CDC123: variants seen among roughly 807,000 people sequenced by gnomAD.
The protein encoded by CDC123 is translation initiation factor eIF2 assembly protein.
CDC123 carries 37 observed loss-of-function variants against 54.4 expected under a neutral mutation model. The observed-to-expected ratio is 0.68, with a 90% CI of 0.52 to 0.89. The LOEUF is 0.89. Ranked by LOEUF, CDC123 falls within the 40% of genes least tolerant of loss-of-function variation. The pLI, the probability that CDC123 is intolerant of heterozygous loss-of-function variation, is 0.00. For synonymous variants in CDC123, 144 were observed against 136.8 expected, an observed-to-expected ratio of 1.05 and a Z score of -0.37; for missense variants, 361 against 412.1, an observed-to-expected ratio of 0.88 and a Z score of 1.07.
chr10:12,219,435 T>A (rs1241194421), intron 6 of CDC123, among the ~76,000 whole-genome samples: 1 of 152,150 alleles, frequency 6.6e-6, no homozygotes, highest in East Asian at 1.9e-4. Flanking sequence ...ACTCCTGGTC[T>A]CAAGTGATCC....
At position 12,213,700 on chromosome 10, in the gene CDC123, T is replaced by C. The variant is rs193244617; in HGVS notation, c.238-2040T>C. Among the ~76,000 whole-genome samples, 313 of 151,664 alleles carry C rather than the reference T, an allele frequency of 2.1e-3. 7 individuals are homozygous for C. In the East Asian group the frequency reaches 0.051, roughly 25 times the overall value. On this transcript the variant is annotated intron_variant, in intron 4 of 12. Coordinates refer to ENST00000281141, the MANE Select transcript of CDC123 (RefSeq NM_006023.3). ...GGTAAAATCATGACTCATATAAAAC[T>C]CTTTAATGCGTGTTGAAGATGTTAT...
intron 2 of CDC123, among the ~76,000 whole-genome samples, chr10:12,207,800 T>TA (rs1835541895): frequency 6.6e-6 from 1 of 152,162 alleles, no homozygotes; most frequent in Non-Finnish European, 1.5e-5. Flanking sequence ...TTCACCCCCA[T>TA]ATTCATTTGG....
chr10:12,211,658 C>A (rs1285557042), intron 4 of CDC123, among the ~76,000 whole-genome samples: 3 of 152,080 alleles, frequency 2.0e-5, no homozygotes, highest in Non-Finnish European at 2.9e-5. Flanking sequence ...GGTTTGTAAA[C>A]CAGTGGGAAA....
At chr10:12,244,586 C>T (rs1325616845) in intron 10 of CDC123, among the ~76,000 whole-genome samples, 3 of 151,084 alleles carry the variant, frequency 2.0e-5, no homozygotes, top group Non-Finnish European at 4.4e-5. Context: ...CCTGTGGTTT[C>T]AGAACAGGAC....
intron 6 of CDC123, among the ~76,000 whole-genome samples, chr10:12,226,255 G>A (rs1438435091): frequency 1.3e-5 from 2 of 152,258 alleles, no homozygotes; most frequent in African/African-American, 2.4e-5. Flanking sequence ...ATCATGGCCC[G>A]TTCTCAATGA....
chr10:12,243,227 C>T (rs968131489), intron 10 of CDC123, among the ~76,000 whole-genome samples: 1 of 151,158 alleles, frequency 6.6e-6, no homozygotes, highest in African/African-American at 2.4e-5. Flanking sequence ...GGTGACACCC[C>T]ATCTCTACCA....
At chr10:12,209,770 G>A (rs968533391) in intron 2 of CDC123, among the ~76,000 whole-genome samples, 197 bp from the exon 3 acceptor site, 8 of 151,876 alleles carry the variant, frequency 5.3e-5, no homozygotes, top group African/African-American at 1.9e-4. Flanking sequence ...TTGCCATGTA[G>A]TCCAAGCTGA....
At chr10:12,230,202 T>G (rs1166847856) in intron 6 of CDC123, among the ~76,000 whole-genome samples, 5 of 152,030 alleles carry the variant, frequency 3.3e-5, no homozygotes, top group African/African-American at 1.2e-4. Context: ...TTTTTGGGTT[T>G]TTTTTTTTGA....
chr10:12,228,861 C>T (rs775272758), intron 6 of CDC123, among the ~76,000 whole-genome samples: 5 of 151,998 alleles, frequency 3.3e-5, no homozygotes, highest in Non-Finnish European at 5.9e-5. Context: ...TGAGCCACTG[C>T]GCCTGGCCAC....
rs532175446 is a variant in CDC123 at position 12,198,682 on chromosome 10, C to T, written c.75-23C>T. Reference sequence around the variant, plus strand: ...TATAGTTGGTCTTTTAAAATGATGCCTTTTTTGGTGTTTTTTTTTTAGTGT... The same window carrying T: ...TATAGTTGGTCTTTTAAAATGATGCTTTTTTTGGTGTTTTTTTTTTAGTGT... On this transcript the variant is annotated intron_variant, in intron 1 of 12. Transcript: ENST00000281141. The T allele has an allele frequency of 7.7e-6, 11 of 1,427,460 alleles. No individual in the cohort carries two copies. The South Asian group carries it at 1.2e-4, about 16-fold the overall frequency. 88.4% of individuals were successfully genotyped at this position (1,427,460 alleles called of 1,614,324 possible). A position where few individuals can be genotyped will look rare whatever the true frequency, so the allele number is the denominator to read the frequency against.
Position 12,215,782 on chromosome 10 carries a change from A to G in CDC123, c.280A>G (p.Ile94Val). Residue 94 changes from isoleucine to valine, a missense_variant, in exon 5 of 13, where the codon ATC (isoleucine) becomes GTC (valine). Coordinates refer to ENST00000281141, the MANE Select transcript of CDC123 (RefSeq NM_006023.3). ...PEFATKVQEAINSLGGSVFPK... is the reference protein window; with the variant it reads ...PEFATKVQEAVNSLGGSVFPK... The stretch of plus-strand genomic sequence containing the variant: ...GTTTGCCACTAAAGTCCAGGAAGCT[A>G]TCAATTCCCTCGGGGGCAGTGTCTT... 6.2e-7 allele frequency: 1 copy of G among 1,612,988 alleles called. No homozygotes were observed.
intron 6 of CDC123, among the ~76,000 whole-genome samples, chr10:12,218,305 G>A (rs559607329): frequency 5.6e-4 from 77 of 136,448 alleles, no homozygotes; most frequent in Non-Finnish European, 1.0e-3. Flanking sequence ...GGAGTGCAGT[G>A]GCACGATCTC....
intron 12 of CDC123, 85 bp from the exon 13 acceptor site, chr10:12,250,226 C>A: frequency 2.6e-6 from 2 of 779,572 alleles, no homozygotes; most frequent in Admixed American, 2.8e-5. Flanking sequence ...CATCCTTTGC[C>A]AAGACCTCTA....
intron 5 of CDC123, 118 bp downstream of exon 5, chr10:12,215,953 G>A (rs938630108): frequency 1.2e-5 from 7 of 579,412 alleles, no homozygotes; most frequent in Non-Finnish European, 2.0e-5. Context: ...AAATACTGTG[G>A]AATTTATTAT....
chr10:12,211,020 C>T (rs997039518), intron 4 of CDC123, among the ~76,000 whole-genome samples: 2 of 152,074 alleles, frequency 1.3e-5, no homozygotes, highest in Admixed American at 6.6e-5. Context: ...ATTTAAATGG[C>T]ATAAAAATTA....
rs560638312 is a variant in CDC123 at position 12,203,796 on chromosome 10, T to C, written c.146+5020T>C. 9.2e-5 allele frequency among the ~76,000 whole-genome samples: 14 copies of C among 152,226 alleles called. No individual in the cohort carries two copies. In the South Asian group the frequency reaches 2.9e-3, roughly 32 times the overall value. The stretch of plus-strand genomic sequence containing the variant: ...CTTGAGTTGTGTTGCGAAAAATGTT[T>C]TTGAATAAAAGCATCAACCAGCTGT... On this transcript the variant is annotated intron_variant, in intron 2 of 12. Transcript: ENST00000281141.
chr10:12,197,454 G>A (rs541949826), intron 1 of CDC123, among the ~76,000 whole-genome samples: 2 of 127,440 alleles, frequency 1.6e-5, no homozygotes, highest in Non-Finnish European at 3.3e-5. Flanking sequence ...TTGGCTCACT[G>A]CAAGCTTCCC....
Position 12,196,199 on chromosome 10 carries a change from A to T in CDC123, c.-47A>T. 1 of 1,613,056 alleles carries T rather than the reference A, an allele frequency of 6.2e-7. No homozygotes were observed. Among genetic ancestry groups the T allele is most frequent in the South Asian group, 1.1e-5 (1 of 91,044 alleles). On this transcript the variant is annotated 5_prime_UTR_variant, in exon 1 of 13. Coordinates refer to ENST00000281141, the MANE Select transcript of CDC123 (RefSeq NM_006023.3). ...CGGGGCCGGCGCCCAGAGTTCCGGG[A>T]GGGTGCAGGCAGGAGAGGGAAAGGC...
Position 12,237,229 on chromosome 10 carries a change from C to T in CDC123, c.651C>T (p.Phe217=). ...TTCGCAGATGCATACAAGACTTTTT[C>T]AAGAAACACATACAGTACAAATTCT... is the stretch of plus-strand genomic sequence containing the variant. ...EEIRRCIQDF[F]KKHIQYKFLD... The change falls in exon 9 of 13, where the codon TTC becomes TTT. Residue 217 remains phenylalanine (F), a synonymous_variant. Transcript: ENST00000281141. The T allele has an allele frequency of 6.3e-7, 1 of 1,588,150 alleles. No individual in the cohort carries two copies. Among genetic ancestry groups the T allele is most frequent in the South Asian group, 1.2e-5 (1 of 84,768 alleles).
Sources: gnomAD v4.1 joint callset for allele counts (sites outside exome capture counted in the v4.1 genomes callset) on GRCh38, gnomAD v4.1.1 for gene constraint, MANE v1.5 for transcripts, NCBI Gene and HGNC (gene_info 2026-07-23, HGNC 2026-07-21) for gene names.